ENOX2: variants seen among roughly 807,000 people sequenced by gnomAD.
The protein encoded by ENOX2 is ecto-NOX disulfide-thiol exchanger 2, also known as APK1 antigen.
ENOX2 carries 36 observed loss-of-function variants against 45.0 expected under a neutral mutation model. That is an observed-to-expected ratio of 0.80 (90% CI 0.61 to 1.06). The LOEUF is 1.06. ENOX2 is among the 50% of genes least tolerant of loss of function. The probability of loss-of-function intolerance (pLI) is 0.00; values close to 1 mark genes in which losing one functional copy is unlikely to be tolerated. For missense variants in ENOX2, 423 were observed against 462.5 expected (o/e 0.91, Z 0.78); for synonymous variants, 174 against 152.3 (o/e 1.14, Z -1.05).
At chrX:130,810,426 C>A (rs1399825905) in intron 2 of ENOX2, among the ~76,000 whole-genome samples, 1 of 111,672 alleles carries the variant, frequency 9.0e-6, no homozygotes, top group Non-Finnish European at 1.9e-5. Context: ...TCAGGCCCAC[C>A]ATAGCACCAG....
At chrX:130,729,368 G>C (rs2038681619) in intron 3 of ENOX2, among the ~76,000 whole-genome samples, 1 of 112,017 alleles carries the variant, frequency 8.9e-6, no homozygotes, top group Non-Finnish European at 1.9e-5. Flanking sequence ...ATCACTAAGA[G>C]AAATGATTTT....
At chrX:130,738,818 T>C (rs965856563) in intron 3 of ENOX2, among the ~76,000 whole-genome samples, 1 of 112,181 alleles carries the variant, frequency 8.9e-6, no homozygotes, top group East Asian at 2.8e-4. Flanking sequence ...ACTCACCCCA[T>C]GGGCAGCACA....
At chrX:130,850,976 C>T (rs1239542239) in intron 2 of ENOX2, among the ~76,000 whole-genome samples, 3 of 112,369 alleles carry the variant, frequency 2.7e-5, no homozygotes, top group Non-Finnish European at 5.6e-5. Flanking sequence ...GCACCAATGG[C>T]AGATAATTTG....
At chrX:130,758,548 T>G (rs1334497459) in intron 3 of ENOX2, among the ~76,000 whole-genome samples, 1 of 112,693 alleles carries the variant, frequency 8.9e-6, no homozygotes, top group South Asian at 3.6e-4. Context: ...TCGTACTTTT[T>G]GGCTATTATA....
chrX:130,765,471 C>G (rs2039593475), intron 3 of ENOX2, among the ~76,000 whole-genome samples: 1 of 111,125 alleles, frequency 9.0e-6, no homozygotes, highest in Non-Finnish European at 1.9e-5. Context: ...ATAACATGCT[C>G]TATGTAATCT....
At chrX:130,783,031 G>T (rs747108989) in intron 3 of ENOX2, among the ~76,000 whole-genome samples, 21 of 111,665 alleles carry the variant, frequency 1.9e-4, no homozygotes, top group Non-Finnish European at 3.8e-5. Flanking sequence ...GGTATTGAGG[G>T]GAACAGGGGT....
At chrX:130,837,044 AG>A (rs1417184346) in intron 2 of ENOX2, among the ~76,000 whole-genome samples, 1 of 112,271 alleles carries the variant, frequency 8.9e-6, no homozygotes, top group Non-Finnish European at 1.9e-5. Context: ...TGGAAAGGGA[AG>A]AAGCATATGG....
chrX:130,885,310 G>A (rs967275688), intron 2 of ENOX2, among the ~76,000 whole-genome samples: 4 of 111,071 alleles, frequency 3.6e-5, no homozygotes, highest in African/African-American at 6.5e-5. Flanking sequence ...ATCAGATAAT[G>A]TAACCTGTAA....
At chrX:130,854,004 C>A (rs2078264301) in intron 2 of ENOX2, among the ~76,000 whole-genome samples, 2 of 111,152 alleles carry the variant, frequency 1.8e-5, no homozygotes, top group South Asian at 7.6e-4. Flanking sequence ...TTATAATACC[C>A]AAAATGTCAA....
chrX:130,775,371 C>A (rs148154794), intron 3 of ENOX2, among the ~76,000 whole-genome samples: 15,828 of 107,525 alleles, frequency 0.15, 1,193 homozygotes, highest in Middle Eastern at 0.27. Flanking sequence ...CAGAGGGAGA[C>A]CCTGTCTCAA....
intron 7 of ENOX2, among the ~76,000 whole-genome samples, chrX:130,668,728 T>C (rs554481448): frequency 1.8e-5 from 2 of 112,333 alleles, no homozygotes; most frequent in Admixed American, 9.4e-5. Flanking sequence ...CTCTTGCCCC[T>C]TTTTCAGTGC....
intron 2 of ENOX2, among the ~76,000 whole-genome samples, chrX:130,887,260 T>C (rs752927892): frequency 9.0e-6 from 1 of 111,695 alleles, no homozygotes; most frequent in East Asian, 2.8e-4. Flanking sequence ...GGGAACTGTT[T>C]CACGTTGTAT....
In ENOX2 at chrX:130,859,366, C is replaced by CA. The variant is rs368105953; in HGVS notation, c.-183+42317dup. 9.0e-3 allele frequency among the ~76,000 whole-genome samples: 999 copies of CA among 110,979 alleles called. 4 individuals carry two copies. The highest frequency in any genetic ancestry group is 0.018 in the African/African-American group (566 of 30,595). On this transcript the variant is annotated intron_variant, in intron 2 of 14. Coordinates refer to ENST00000394363, the MANE Select transcript of ENOX2 (RefSeq NM_006375.4). ...AACAAAACAAAACAAAACAAAAAAA[C>CA]AAAAAAAATCCTAAATGGGATAAAC... is the stretch of plus-strand genomic sequence containing the variant.
chrX:130,720,508 C>A (rs1324263363), intron 3 of ENOX2, among the ~76,000 whole-genome samples: 2 of 112,485 alleles, frequency 1.8e-5, no homozygotes, highest in African/African-American at 3.2e-5. Context: ...CCTTAAGCCA[C>A]TGCATTTAGA....
intron 4 of ENOX2, among the ~76,000 whole-genome samples, chrX:130,698,986 A>C (rs2037832512): frequency 8.9e-6 from 1 of 112,200 alleles, no homozygotes; most frequent in Non-Finnish European, 1.9e-5. Context: ...GGTAGTATTC[A>C]GCAAGTATCC....
At chrX:130,866,844 T>G (rs945184009) in intron 2 of ENOX2, among the ~76,000 whole-genome samples, 5 of 110,882 alleles carry the variant, frequency 4.5e-5, no homozygotes, top group Non-Finnish European at 7.6e-5. Context: ...ACAAGTTTCT[T>G]CACTTGTTAA....
intron 5 of ENOX2, 115 bp from the exon 6 acceptor site, chrX:130,679,863 G>A (rs1445491167): frequency 3.7e-5 from 20 of 538,015 alleles, no homozygotes; most frequent in African/African-American, 6.9e-5. Flanking sequence ...AGTGTCAGAA[G>A]GATGTGGCCT....
chrX:130,815,438 A>G (rs2077466389), intron 2 of ENOX2, among the ~76,000 whole-genome samples: 1 of 111,716 alleles, frequency 9.0e-6, no homozygotes, highest in Non-Finnish European at 1.9e-5. Flanking sequence ...ACCCTAAGAC[A>G]TATAATCATC....
At position 130,623,517 on chromosome X, in the gene ENOX2, T is replaced by G. The variant is rs1263657262; in HGVS notation, c.*1797A>C. ...CGCATGCATTAGCTCTTTTTCCTAC[T>G]GCTCTCCCCTAAAAATTAATTTAGT... is the stretch of plus-strand genomic sequence containing the variant. On this transcript the variant is annotated 3_prime_UTR_variant, in exon 15 of 15. Coordinates refer to ENST00000394363, the MANE Select transcript of ENOX2 (RefSeq NM_006375.4). 1.8e-5 allele frequency: 2 copies of G among 111,551 alleles called. No individual in the cohort carries two copies. Among genetic ancestry groups the G allele is most frequent in the Non-Finnish European group, 3.8e-5 (2 of 53,165 alleles). 9.2% of individuals were successfully genotyped at this position (111,551 alleles called of 1,213,427 possible).
Sources: gnomAD v4.1 joint callset for allele counts (sites outside exome capture counted in the v4.1 genomes callset) on GRCh38, gnomAD v4.1.1 for gene constraint, MANE v1.5 for transcripts, NCBI Gene and HGNC (gene_info 2026-07-23, HGNC 2026-07-21) for gene names.